Variants in SOX6 observed in about 807,000 individuals in gnomAD.
SOX6 encodes SRY-box transcription factor 6.
A neutral mutation model predicts 97.8 loss-of-function variants in SOX6; 11 were observed. That is an observed-to-expected ratio of 0.11 (90% CI 0.07 to 0.19). The LOEUF is 0.19. Among genes scored for constraint, SOX6 ranks in the 10% least tolerant of loss-of-function variants. SOX6 has a pLI of 1.00. For synonymous variants in SOX6, 360 were observed against 371.4 expected (o/e 0.97, Z 0.35); for missense variants, 810 against 1,039.5 (o/e 0.78, Z 3.04).
chr11:15,986,602 G>A (rs1257480561), intron 14 of SOX6, among the ~76,000 whole-genome samples, 182 bp from the exon 15 acceptor site: 1 of 152,138 alleles, frequency 6.6e-6, no homozygotes, highest in Non-Finnish European at 1.5e-5. Context: ...TTTTGCGTAT[G>A]ATACTTTCTT....
chr11:16,612,320 A>G (rs1316726509), intron 3 of SOX6: 1 of 152,528 alleles, frequency 6.6e-6, no homozygotes, highest in Non-Finnish European at 1.5e-5. Context: ...TACACCAAAG[A>G]AAAAAATGAA....
intron 3 of SOX6, among the ~76,000 whole-genome samples, chr11:16,239,332 A>G (rs1853116242): frequency 6.6e-6 from 1 of 151,944 alleles, no homozygotes; most frequent in Non-Finnish European, 1.5e-5. Flanking sequence ...TCTCTCTCCA[A>G]TGAAACAACT....
At chr11:16,675,795 T>C (rs562250496) in intron 3 of SOX6, among the ~76,000 whole-genome samples, 3 of 152,340 alleles carry the variant, frequency 2.0e-5, no homozygotes, top group South Asian at 4.1e-4. Flanking sequence ...TGATTTCTGA[T>C]GAAAAATTAG....
At chr11:16,560,880 C>A (rs960761144) in intron 4 of SOX6, among the ~76,000 whole-genome samples, 1 of 152,040 alleles carries the variant, frequency 6.6e-6, no homozygotes, top group African/African-American at 2.4e-5. Flanking sequence ...AATGGAAAAC[C>A]AAATATCATA....
Position 16,610,371 on chromosome 11 carries a change from C to G in SOX6, n.609+1710G>C, listed in dbSNP as rs1024335541. On this transcript the variant is annotated intron_variant and non_coding_transcript_variant, in intron 4 of 5. Transcript: ENST00000524520. The surrounding 1 kb of genome is among the most constrained non-coding windows in gnomAD (Gnocchi z 4.4). ...CTCCAATTTGCTGCGACAAGTTTGG[C>G]TTTCCAAATACTAGCGCGTCCGTCT... 6.6e-6 allele frequency among the ~76,000 whole-genome samples: 1 copy of G among 152,216 alleles called. No individual in the cohort carries two copies. The highest frequency in any genetic ancestry group is 1.5e-5 in the Non-Finnish European group (1 of 68,046).
chr11:16,068,660 T>A (rs190155958), intron 9 of SOX6, among the ~76,000 whole-genome samples: 16 of 152,294 alleles, frequency 1.1e-4, no homozygotes, highest in South Asian at 2.1e-4. Flanking sequence ...GTAAATCTCC[T>A]TGCCCCTCCT....
At chr11:16,653,259 A>T (rs1847679210) in intron 3 of SOX6, among the ~76,000 whole-genome samples, 2 of 152,342 alleles carry the variant, frequency 1.3e-5, no homozygotes, top group African/African-American at 4.8e-5. Flanking sequence ...CAGCAATCCC[A>T]CTATTGGGTA....
chr11:16,017,235 T>G (rs1854912477), intron 12 of SOX6, among the ~76,000 whole-genome samples: 1 of 151,992 alleles, frequency 6.6e-6, no homozygotes, highest in Admixed American at 6.6e-5. Flanking sequence ...ATTCACAGTG[T>G]CTTTGAAGTC....
At chr11:16,529,005 T>TGGGTTTTA (rs1861205273) in intron 4 of SOX6, among the ~76,000 whole-genome samples, 1 of 152,078 alleles carries the variant, frequency 6.6e-6, no homozygotes, top group Admixed American at 6.6e-5. Flanking sequence ...ATGCCATCCC[T>TGGGTTTTA]GATGCACCTG....
chr11:15,982,057 A>G (rs1853670570), intron 15 of SOX6, among the ~76,000 whole-genome samples: 1 of 151,952 alleles, frequency 6.6e-6, no homozygotes, highest in Non-Finnish European at 1.5e-5. Flanking sequence ...ATTAGTTCCT[A>G]CAGCCAAGAA....
chr11:16,658,118 A>G (rs1037063809), intron 3 of SOX6, among the ~76,000 whole-genome samples: 18 of 152,298 alleles, frequency 1.2e-4, no homozygotes, highest in Middle Eastern at 6.8e-3. Context: ...CTCATCAGCA[A>G]TATAGAAGAT....
chr11:16,592,029 A>G (rs1848160250), intron 4 of SOX6, among the ~76,000 whole-genome samples: 1 of 152,160 alleles, frequency 6.6e-6, no homozygotes, highest in African/African-American at 2.4e-5. Context: ...TCATTTTAAA[A>G]TATTATTTCA....
chr11:16,024,255 C>T (rs571671810), intron 12 of SOX6, among the ~76,000 whole-genome samples: 1 of 152,052 alleles, frequency 6.6e-6, no homozygotes, highest in Non-Finnish European at 1.5e-5. Flanking sequence ...GACTTCCAGG[C>T]AGTACTGTGA....
At chr11:16,225,898 A>G (rs1852674131) in intron 4 of SOX6, among the ~76,000 whole-genome samples, 1 of 152,180 alleles carries the variant, frequency 6.6e-6, no homozygotes, top group Admixed American at 6.6e-5. Context: ...AAACCCAACC[A>G]TAATATGCTT....
intron 10 of SOX6, among the ~76,000 whole-genome samples, chr11:16,051,877 A>G (rs1847695092): frequency 6.7e-6 from 1 of 149,336 alleles, no homozygotes; most frequent in African/African-American, 2.6e-5. Context: ...CACAGTACTG[A>G]CCAGTCTTTT....
At chr11:16,187,184 C>T (rs1851501878) in intron 4 of SOX6, among the ~76,000 whole-genome samples, 1 of 152,074 alleles carries the variant, frequency 6.6e-6, no homozygotes, top group Non-Finnish European at 1.5e-5. Flanking sequence ...TGGTAAAATT[C>T]TCACTCACTC....
At chr11:16,513,131 A>G (rs1565167779) in intron 4 of SOX6, among the ~76,000 whole-genome samples, 1 of 152,242 alleles carries the variant, frequency 6.6e-6, no homozygotes, top group Non-Finnish European at 1.5e-5. Context: ...TGATAGAGAC[A>G]AAAAGAAGCA....
At chr11:16,362,107 A>T (rs917839427) in intron 1 of SOX6, among the ~76,000 whole-genome samples, 1 of 152,178 alleles carries the variant, frequency 6.6e-6, no homozygotes, top group African/African-American at 2.4e-5. Context: ...CAGTCCCCTA[A>T]AACAAAGCCC....
intron 15 of SOX6, among the ~76,000 whole-genome samples, chr11:15,982,527 C>T (rs1853690401): frequency 6.6e-6 from 1 of 151,994 alleles, no homozygotes; most frequent in Non-Finnish European, 1.5e-5. Context: ...ATGCTCAAGT[C>T]CCTTTTATAA....
Sources: allele counts gnomAD v4.1 joint callset (sites outside exome capture counted in the v4.1 genomes callset), GRCh38; gene constraint gnomAD v4.1.1; non-coding constraint Gnocchi (gnomAD v3.1); transcripts MANE v1.5; gene names NCBI Gene and HGNC (gene_info 2026-07-23, HGNC 2026-07-21).